CAMTA1: variants seen among roughly 807,000 people sequenced by gnomAD.
The protein encoded by CAMTA1 is calmodulin binding transcription activator 1.
In CAMTA1, 27 loss-of-function variants were observed where a neutral mutation model predicts 170.9. The ratio of observed to expected loss-of-function variants is 0.16; its 90% CI spans 0.12 to 0.22. The LOEUF (loss-of-function observed/expected upper bound fraction) is 0.22, where lower values mean the gene tolerates loss of function less well. Ranked by LOEUF, CAMTA1 falls within the 10% of genes least tolerant of loss-of-function variation. The pLI is 1.00. For missense variants in CAMTA1, 1,619 were observed against 2,217.2 expected (o/e 0.73, Z 5.42); for synonymous variants, 833 against 891.5 (o/e 0.93, Z 1.17).
chr1:7,082,169 G>A (rs1028043970), intron 3 of CAMTA1, among the ~76,000 whole-genome samples: 4 of 152,160 alleles, frequency 2.6e-5, no homozygotes, highest in African/African-American at 9.7e-5. Context: ...CAGCCGTGGT[G>A]GCTCAGGCCT....
intron 4 of CAMTA1, among the ~76,000 whole-genome samples, chr1:7,235,868 C>T (rs1365376521): frequency 6.6e-6 from 1 of 152,142 alleles, no homozygotes; most frequent in Non-Finnish European, 1.5e-5. Context: ...GGGATTGGAC[C>T]GCCCAAGAAG....
intron 6 of CAMTA1, among the ~76,000 whole-genome samples, chr1:7,499,302 GTA>G (rs1367130125): frequency 4.4e-5 from 4 of 91,508 alleles, no homozygotes; most frequent in East Asian, 6.9e-4. Context: ...GCGTGTGTAT[GTA>G]TATGAGTGTG....
chr1:7,275,508 A>G lies in CAMTA1; in HGVS notation c.438+25882A>G, dbSNP rs545576778. ...TCTTCAAAGATCAATAAGTTGAAAA[A>G]TTATAGCTAGCTTGATTAAGAAACA... On this transcript the variant is annotated intron_variant, in intron 5 of 22. Transcript: ENST00000303635. Among the ~76,000 whole-genome samples the G allele has an allele frequency of 1.2e-4, 19 of 152,226 alleles. No individual in the cohort carries two copies. The South Asian group carries it at 3.7e-3, about 30-fold the overall frequency.
At chr1:7,692,237 G>T (rs979304217) in intron 11 of CAMTA1, among the ~76,000 whole-genome samples, 1 of 152,176 alleles carries the variant, frequency 6.6e-6, no homozygotes, top group Non-Finnish European at 1.5e-5. Flanking sequence ...CCTCTTTATT[G>T]AACCTGCCCT....
intron 5 of CAMTA1, among the ~76,000 whole-genome samples, chr1:7,332,055 G>C (rs908657686): frequency 6.6e-6 from 1 of 152,140 alleles, no homozygotes; most frequent in Non-Finnish European, 1.5e-5. Flanking sequence ...CGGTTCCAGG[G>C]AGACTCTGGG....
At chr1:6,908,422 C>A (rs1433439265) in intron 3 of CAMTA1, among the ~76,000 whole-genome samples, 1 of 152,192 alleles carries the variant, frequency 6.6e-6, no homozygotes, top group Non-Finnish European at 1.5e-5. Context: ...AGTGTGAAGC[C>A]AGAATATTCA....
rs1020179234 is a variant in CAMTA1, at chr1:7,561,552, A to C, written c.511-78848A>C. Among the ~76,000 whole-genome samples the C allele has an allele frequency of 3.0e-4, 45 of 151,978 alleles. No individual in the cohort carries two copies. The highest frequency in any genetic ancestry group is 1.0e-3 in the African/African-American group (42 of 41,458). On this transcript the variant is annotated intron_variant, in intron 6 of 22. Transcript: ENST00000303635. The surrounding 1 kb of genome is among the most constrained non-coding windows in gnomAD (Gnocchi z 5.3). ...AGCCTCTTGCCTGTAAACTCGTTGC[A>C]GGCGCAGGGATGGGCTGGTTCAGGG...
chr1:6,866,682 A>C (rs1012260280), intron 3 of CAMTA1, among the ~76,000 whole-genome samples: 9 of 152,298 alleles, frequency 5.9e-5, no homozygotes, highest in Admixed American at 3.9e-4. Context: ...TGTCAGTTGC[A>C]AAAATAGGAG....
intron 5 of CAMTA1, among the ~76,000 whole-genome samples, chr1:7,437,429 G>A (rs1466792452): frequency 6.6e-6 from 1 of 152,140 alleles, no homozygotes; most frequent in Non-Finnish European, 1.5e-5. Flanking sequence ...CCTCATCTGA[G>A]CTCTGCCCTC....
intron 3 of CAMTA1, among the ~76,000 whole-genome samples, chr1:6,945,489 C>T (rs4908576): frequency 0.39 from 58,897 of 151,812 alleles, 12,095 homozygotes; most frequent in Non-Finnish European, 0.46. Flanking sequence ...GCTGGGACCA[C>T]AGGTGTGCAC....
At chr1:7,080,691 T>C (rs1235488917) in intron 3 of CAMTA1, among the ~76,000 whole-genome samples, 1 of 152,152 alleles carries the variant, frequency 6.6e-6, no homozygotes, top group African/African-American at 2.4e-5. Context: ...ACCACCACCA[T>C]GCCAGGCTAA....
At chr1:7,405,353 C>CTT (rs138166356) in intron 5 of CAMTA1, among the ~76,000 whole-genome samples, 2 of 151,018 alleles carry the variant, frequency 1.3e-5, no homozygotes, top group African/African-American at 4.9e-5. Context: ...CTTTTCTTTT[C>CTT]TTTTTTTTTG....
At chr1:7,530,588 G>A (rs764583305) in intron 6 of CAMTA1, among the ~76,000 whole-genome samples, 6 of 152,096 alleles carry the variant, frequency 3.9e-5, no homozygotes, top group Non-Finnish European at 8.8e-5. Flanking sequence ...GCTGCCCGAG[G>A]CTGCACAGCA....
chr1:7,420,772 C>T (rs1214729342), intron 5 of CAMTA1, among the ~76,000 whole-genome samples: 2 of 152,236 alleles, frequency 1.3e-5, no homozygotes, highest in African/African-American at 2.4e-5. Flanking sequence ...CGTTCAAGTA[C>T]AAATGTGTCT....
At chr1:7,651,451 C>G (rs1304667232) in intron 7 of CAMTA1, among the ~76,000 whole-genome samples, 1 of 152,072 alleles carries the variant, frequency 6.6e-6, no homozygotes, top group Non-Finnish European at 1.5e-5. Context: ...CCAAGAGTTA[C>G]TGCCCCACAG....
chr1:7,310,868 C>CTA (rs1676624666), intron 5 of CAMTA1, among the ~76,000 whole-genome samples: 1 of 151,512 alleles, frequency 6.6e-6, no homozygotes, highest in Admixed American at 6.6e-5. Context: ...GTAGCTGGGA[C>CTA]TACAGGTGCA....
chr1:7,126,591 T>C (rs1644944996), intron 4 of CAMTA1, among the ~76,000 whole-genome samples: 1 of 152,224 alleles, frequency 6.6e-6, no homozygotes, highest in South Asian at 2.1e-4. Context: ...AGGGTTCCTA[T>C]TGATCATGCA....
At chr1:7,002,565 A>T (rs1420971174) in intron 3 of CAMTA1, among the ~76,000 whole-genome samples, 2 of 152,218 alleles carry the variant, frequency 1.3e-5, no homozygotes, top group African/African-American at 4.8e-5. Context: ...TAAGCCATTG[A>T]TAGAAATGAC....
chr1:7,094,958 C>T (rs114870193), intron 4 of CAMTA1, among the ~76,000 whole-genome samples: 1 of 152,192 alleles, frequency 6.6e-6, no homozygotes, highest in African/African-American at 2.4e-5. Context: ...TGTCCTCTGT[C>T]TAGAATGTTC....
Sources: allele counts gnomAD v4.1 joint callset (sites outside exome capture counted in the v4.1 genomes callset), GRCh38; gene constraint gnomAD v4.1.1; non-coding constraint Gnocchi (gnomAD v3.1); transcripts MANE v1.5; gene names NCBI Gene and HGNC (gene_info 2026-07-23, HGNC 2026-07-21).